Variants in MSI2 observed in about 807,000 individuals in gnomAD.
MSI2 encodes musashi RNA binding protein 2, also known as RNA-binding protein Musashi homolog 2.
Under a neutral mutation model 45.6 loss-of-function variants are expected in MSI2, and 17 were observed. The ratio of observed to expected loss-of-function variants is 0.37; its 90% CI spans 0.26 to 0.56. MSI2 has a LOEUF of 0.56. Among genes scored for constraint, MSI2 ranks in the 20% least tolerant of loss-of-function variants. The probability of loss-of-function intolerance (pLI) is 0.77; values close to 1 mark genes in which losing one functional copy is unlikely to be tolerated. For missense variants in MSI2, 293 were observed against 444.2 expected (o/e 0.66, Z 3.06); for synonymous variants, 156 against 158.2 (o/e 0.99, Z 0.11).
At chr17:57,460,128 C>CAAATAAATAAAT (rs72396563) in intron 6 of MSI2, among the ~76,000 whole-genome samples, 14 of 138,902 alleles carry the variant, frequency 1.0e-4, no homozygotes, top group African/African-American at 1.6e-4. Flanking sequence ...AACTCTGTCT[C>CAAATAAATAAAT]AAATAAATAA....
intron 5 of MSI2, among the ~76,000 whole-genome samples, chr17:57,388,000 C>T (rs1016999977): frequency 2.0e-5 from 3 of 152,218 alleles, no homozygotes; most frequent in African/African-American, 7.2e-5. Context: ...ATTACAGGAT[C>T]GGGTTGCCTG....
chr17:57,449,154 T>G (rs929168343), intron 6 of MSI2: 27 of 152,310 alleles, frequency 1.8e-4, no homozygotes, highest in Admixed American at 1.3e-3. Flanking sequence ...CCGCCACTGT[T>G]TTACAGGAAT....
At chr17:57,366,213 T>C (rs1225729211) in intron 5 of MSI2, among the ~76,000 whole-genome samples, 9 of 152,104 alleles carry the variant, frequency 5.9e-5, no homozygotes, top group African/African-American at 2.4e-5. Flanking sequence ...ATGCCCAGCG[T>C]TGGCTATTAT....
chr17:57,526,670 C>G (rs2086709653), intron 6 of MSI2, among the ~76,000 whole-genome samples: 1 of 152,048 alleles, frequency 6.6e-6, no homozygotes, highest in Non-Finnish European at 1.5e-5. Context: ...GCATTGATGG[C>G]TTCTCTGAAT....
In MSI2 at chr17:57,346,335, A is replaced by G. The variant is rs561762329; in HGVS notation, c.313-55044A>G. On this transcript the variant is annotated intron_variant, in intron 5 of 13. Transcript: ENST00000284073. ...ATTTTTAACAGGACTTGAGACATGT[A>G]AATAACACATTTTGGGGGGGGGGGT... is the stretch of plus-strand genomic sequence containing the variant. 4.7e-4 allele frequency among the ~76,000 whole-genome samples: 63 copies of G among 134,212 alleles called. No homozygotes were observed. The South Asian group carries it at 5.6e-3, about 12-fold the overall frequency. 88.0% of individuals were successfully genotyped at this position (134,212 alleles called of 152,430 possible).
At chr17:57,417,743 A>C (rs954656332) in intron 6 of MSI2, among the ~76,000 whole-genome samples, 5 of 152,156 alleles carry the variant, frequency 3.3e-5, no homozygotes, top group African/African-American at 1.2e-4. Flanking sequence ...CCGCCCAAGG[A>C]AATGGACAAA....
At chr17:57,566,139 C>T (rs1327983916) in intron 7 of MSI2, 3 of 152,044 alleles carry the variant, frequency 2.0e-5, no homozygotes, top group South Asian at 2.1e-4. Context: ...AGAAGTAGCA[C>T]GGAAGACCTT....
chr17:57,649,904 G>A (rs914385322), intron 10 of MSI2, among the ~76,000 whole-genome samples: 1 of 152,200 alleles, frequency 6.6e-6, no homozygotes, highest in East Asian at 1.9e-4. Context: ...CAGAGGCAGT[G>A]GGGTGGCGAC....
chr17:57,563,955 T>G (rs1490284933), intron 7 of MSI2, among the ~76,000 whole-genome samples: 1 of 152,204 alleles, frequency 6.6e-6, no homozygotes, highest in Non-Finnish European at 1.5e-5. Flanking sequence ...ACAGCCCACC[T>G]GAGCCAGAAT....
In MSI2 at chr17:57,679,761, C is replaced by T. The variant is rs1400437548; in HGVS notation, c.*244C>T. 3.9e-5 allele frequency: 13 copies of T among 333,194 alleles called. 1 individual carries two copies. In the South Asian group the frequency reaches 1.3e-3, roughly 34 times the overall value. The allele number at this position is 333,194 out of a possible 1,614,324, so 20.6% of individuals were successfully genotyped here. On this transcript the variant is annotated 3_prime_UTR_variant, in exon 14 of 14. Transcript: ENST00000284073. ...TAAATGTGTATATAACCCATGATTT[C>T]GGTTTTGTTTTGTTTTGTTTTTCTT...
At chr17:57,430,146 A>G (rs1426307838) in intron 6 of MSI2, among the ~76,000 whole-genome samples, 1 of 152,184 alleles carries the variant, frequency 6.6e-6, no homozygotes, top group Non-Finnish European at 1.5e-5. Context: ...GCGTGTGACC[A>G]TGAGTACTAG....
chr17:57,283,005 G>A (rs1483886296), intron 5 of MSI2, among the ~76,000 whole-genome samples: 1 of 152,010 alleles, frequency 6.6e-6, no homozygotes, highest in Non-Finnish European at 1.5e-5. Context: ...ACCTTTAACT[G>A]CAAACGGCTG....
intron 5 of MSI2, among the ~76,000 whole-genome samples, chr17:57,310,851 C>T (rs996739689): frequency 8.5e-5 from 13 of 152,206 alleles, no homozygotes; most frequent in South Asian, 4.1e-4. Context: ...CACCGCAGAG[C>T]GCCTTGGCAT....
At chr17:57,352,257 T>C (rs931959549) in intron 5 of MSI2, among the ~76,000 whole-genome samples, 1 of 152,230 alleles carries the variant, frequency 6.6e-6, no homozygotes, top group Non-Finnish European at 1.5e-5. Flanking sequence ...GTGTGTAAAG[T>C]CTTGGGCTAC....
rs1913600811 is a variant in MSI2 at position 57,681,606 on chromosome 17, A to G, written c.*2089A>G. On this transcript the variant is annotated 3_prime_UTR_variant, in exon 14 of 14. Coordinates refer to ENST00000284073, the MANE Select transcript of MSI2 (RefSeq NM_138962.4). ...AAAGAAAAAACCCGTTTTCAATTCT[A>G]ATGAAACAGCAACAACATTTTTTTT... 2 of 184,990 alleles carry G rather than the reference A, an allele frequency of 1.1e-5. No individual in the cohort carries two copies. The highest frequency in any genetic ancestry group is 8.7e-5 in the East Asian group (1 of 11,432). 11.5% of individuals were successfully genotyped at this position (184,990 alleles called of 1,614,324 possible).
intron 9 of MSI2, among the ~76,000 whole-genome samples, chr17:57,619,457 G>C (rs1390650066): frequency 1.3e-5 from 2 of 152,224 alleles, no homozygotes; most frequent in Admixed American, 1.3e-4. Context: ...AGGAGTGGAA[G>C]CCAGTCTTAG....
chr17:57,520,063 A>G (rs972382471), intron 6 of MSI2, among the ~76,000 whole-genome samples: 1 of 152,234 alleles, frequency 6.6e-6, no homozygotes, highest in Non-Finnish European at 1.5e-5. Flanking sequence ...TAAATTTTAA[A>G]AAGAGAAAAA....
At chr17:57,571,812 T>TA (rs1175360638) in intron 7 of MSI2, among the ~76,000 whole-genome samples, 1 of 152,156 alleles carries the variant, frequency 6.6e-6, no homozygotes, top group Admixed American at 6.5e-5. Context: ...GTGAGCAGCT[T>TA]ACACCAAATG....
At chr17:57,623,655 G>T (rs1457830340) in intron 9 of MSI2, among the ~76,000 whole-genome samples, 1 of 152,214 alleles carries the variant, frequency 6.6e-6, no homozygotes, top group Non-Finnish European at 1.5e-5. Context: ...TATTGGAGCA[G>T]ATAAATTGTG....
Sources: allele counts gnomAD v4.1 joint callset (sites outside exome capture counted in the v4.1 genomes callset), GRCh38; gene constraint gnomAD v4.1.1; transcripts MANE v1.5; gene names NCBI Gene and HGNC (gene_info 2026-07-23, HGNC 2026-07-21).